MYO16: variants seen among roughly 807,000 people sequenced by gnomAD.
MYO16 encodes the protein myosin XVI, also known as unconventional myosin-XVI.
In MYO16, 94 loss-of-function variants were observed where a neutral mutation model predicts 205.3. The ratio of observed to expected loss-of-function variants is 0.46; its 90% confidence interval spans 0.39 to 0.54. The LOEUF (loss-of-function observed/expected upper bound fraction) is 0.54, where lower values mean the gene tolerates loss of function less well. Ranked by LOEUF, MYO16 falls within the 20% of genes least tolerant of loss-of-function variation. MYO16 has a pLI of 0.00. For synonymous variants in MYO16, 988 were observed against 954.0 expected, an observed-to-expected ratio of 1.04 and a Z score of -0.66; for missense variants, 2,315 against 2,387.5, an observed-to-expected ratio of 0.97 and a Z score of 0.63.
chr13:108,886,136 C>T (rs555705049), intron 13 of MYO16, among the ~76,000 whole-genome samples: 9 of 152,122 alleles, frequency 5.9e-5, no homozygotes, highest in South Asian at 2.1e-4. Flanking sequence ...TACAGGCGCC[C>T]GCCATCACGC....
rs756529136 is a variant in MYO16 at position 108,957,748 on chromosome 13, G to A, written c.1986G>A (p.Glu662=). The change falls in exon 17 of 35, where the codon GAG becomes GAA. Residue 662 remains glutamate (E), a synonymous_variant. Coordinates refer to ENST00000457511, the MANE Select transcript of MYO16 (RefSeq NM_001198950.3). ...CAGGGGAGCGTTCTCTGAACAGGGA[G>A]AAATTGGCTGTTTTGAAACGAGCCC... The part of the protein sequence containing the change: ...ASTGERSLNR[E]KLAVLKRALN... The A allele has an allele frequency of 1.2e-6, 2 of 1,613,946 alleles. No homozygotes were observed.
chr13:109,097,100 C>T (rs1471468024), intron 27 of MYO16, among the ~76,000 whole-genome samples: 2 of 152,156 alleles, frequency 1.3e-5, no homozygotes, highest in Non-Finnish European at 2.9e-5. Context: ...GAGGCCAAGG[C>T]GGGTGGATCA....
chr13:109,122,280 G>T (rs577450888), intron 29 of MYO16, among the ~76,000 whole-genome samples: 2 of 152,188 alleles, frequency 1.3e-5, no homozygotes, highest in African/African-American at 4.8e-5. Context: ...AGAAATTTCT[G>T]TTCTATTTAA....
chr13:109,013,754 TA>T (rs1263878687), intron 22 of MYO16, among the ~76,000 whole-genome samples: 2 of 152,374 alleles, frequency 1.3e-5, no homozygotes, highest in South Asian at 2.1e-4. Context: ...TTTGGCTGCA[TA>T]AATATCTTCT....
At chr13:108,596,368 G>A (rs1415457595) in intron 1 of MYO16, 1 of 150,186 alleles carries the variant, frequency 6.7e-6, no homozygotes, top group African/African-American at 2.4e-5. Context: ...GCATATGTCA[G>A]TATCAAAACA....
intron 1 of MYO16, among the ~76,000 whole-genome samples, chr13:108,657,829 A>AT (rs1247200679): frequency 2.6e-5 from 4 of 151,828 alleles, no homozygotes; most frequent in African/African-American, 4.8e-5. Flanking sequence ...ATATTTTTCT[A>AT]TTTTTTTCTA....
At chr13:108,659,392 T>C in intron 1 of MYO16, 2 of 432,884 alleles carry the variant, frequency 4.6e-6, no homozygotes, top group Non-Finnish European at 9.2e-6. Context: ...ATGTCAGATA[T>C]TTCCTGGCTT....
intron 4 of MYO16, among the ~76,000 whole-genome samples, chr13:108,744,106 C>T (rs1884988741): frequency 6.6e-6 from 1 of 152,222 alleles, no homozygotes; most frequent in Non-Finnish European, 1.5e-5. Flanking sequence ...ATCAACTTTT[C>T]ATGTAAATGA....
At chr13:108,866,909 C>A (rs990906649) in intron 12 of MYO16, among the ~76,000 whole-genome samples, 1 of 151,916 alleles carries the variant, frequency 6.6e-6, no homozygotes. Flanking sequence ...TAAGATGTGG[C>A]GGGCAGGGAG....
intron 7 of MYO16, among the ~76,000 whole-genome samples, chr13:108,812,528 C>A (rs951612315): frequency 2.6e-5 from 4 of 151,956 alleles, no homozygotes; most frequent in Admixed American, 2.0e-4. Flanking sequence ...CATGAGAAAC[C>A]CAGGCACATG....
intron 20 of MYO16, among the ~76,000 whole-genome samples, chr13:108,972,280 T>TATATATATATA (rs57199843): frequency 6.8e-5 from 5 of 73,848 alleles, no homozygotes; most frequent in Non-Finnish European, 1.0e-4. Context: ...TATATATATA[T>TATATATATATA]TTACCAGCCA....
intron 6 of MYO16, among the ~76,000 whole-genome samples, chr13:108,802,740 T>C (rs1258212738): frequency 6.6e-6 from 1 of 152,226 alleles, no homozygotes; most frequent in Admixed American, 6.5e-5. Context: ...CAGCACTTAC[T>C]TGTCATCTTT....
intron 1 of MYO16, among the ~76,000 whole-genome samples, chr13:108,630,495 T>C (rs1278055688): frequency 1.3e-5 from 2 of 152,216 alleles, no homozygotes; most frequent in Non-Finnish European, 2.9e-5. Context: ...CTTTAGCGTC[T>C]GAAATTTTGG....
chr13:108,969,559 G>A (rs1425975746), intron 20 of MYO16, among the ~76,000 whole-genome samples: 1 of 152,166 alleles, frequency 6.6e-6, no homozygotes, highest in African/African-American at 2.4e-5. Context: ...ACAGATAACA[G>A]CCATTCTCCC....
At chr13:108,587,484 C>T in the MYO16 span, among the ~76,000 whole-genome samples, 2 of 152,016 alleles carry the variant, frequency 1.3e-5, no homozygotes, top group African/African-American at 4.8e-5. Context: ...TTTAAACTAC[C>T]AAACAATGTT....
Position 109,140,939 on chromosome 13 carries a change from C to A in MYO16, c.4727C>A (p.Ala1576Glu). ...CAGAAGGGCGACGGCGACAGGCCCGCGTCCCCCGGCCTGGCGCTGTTCAAC... is the reference window on the plus strand; with the variant it reads ...CAGAAGGGCGACGGCGACAGGCCCGAGTCCCCCGGCCTGGCGCTGTTCAAC... ...KSQKGDGDRP[A>E]SPGLALFNGS... is the part of the protein sequence containing the mutation. The change falls in exon 32 of 35, where the codon GCG becomes GAG. Residue 1576 changes from alanine (A) to glutamate (E), a missense_variant. Physicochemically the swap from Ala to Glu is moderately radical, Grantham distance 107. Around this residue, in one of 3 missense-constraint regions of MYO16, gnomAD observed 1,097 missense variants for 1,092.0 expected, o/e 1.00. Coordinates refer to ENST00000457511, the MANE Select transcript of MYO16 (RefSeq NM_001198950.3). This position sits in a 1 kb window ranked among gnomAD's most constrained non-coding sequence, Gnocchi z 8.0. 1 of 1,553,500 alleles carries A rather than the reference C, an allele frequency of 6.4e-7. No homozygotes were observed. The highest frequency in any genetic ancestry group is 8.7e-7 in the Non-Finnish European group (1 of 1,152,644).
intron 2 of MYO16, among the ~76,000 whole-genome samples, chr13:108,692,241 T>C (rs555004937): frequency 6.6e-6 from 1 of 152,374 alleles, no homozygotes; most frequent in East Asian, 1.9e-4. Flanking sequence ...CTTCATCATG[T>C]GAGCTTTCTA....
At chr13:108,775,281 G>C (rs1224985182) in intron 4 of MYO16, among the ~76,000 whole-genome samples, 1 of 151,922 alleles carries the variant, frequency 6.6e-6, no homozygotes, top group African/African-American at 2.4e-5. Context: ...ATTATATACT[G>C]GAGTCTTTCT....
At chr13:109,151,172 C>T (rs1167769388) in intron 32 of MYO16, among the ~76,000 whole-genome samples, 1 of 152,168 alleles carries the variant, frequency 6.6e-6, no homozygotes, top group East Asian at 1.9e-4. Context: ...TACAAAATTT[C>T]ACGCCATCGA....
Sources: gnomAD v4.1 joint callset for allele counts (sites outside exome capture counted in the v4.1 genomes callset) on GRCh38, gnomAD v4.1.1 for gene constraint, gnomAD v4.1.1 regional missense constraint, Gnocchi (gnomAD v3.1) non-coding constraint, MANE v1.5 for transcripts, NCBI Gene and HGNC (gene_info 2026-07-23, HGNC 2026-07-21) for gene names.